COG6: variants seen among roughly 807,000 people sequenced by gnomAD.
COG6 encodes conserved oligomeric Golgi complex subunit 6.
A neutral mutation model predicts 88.8 loss-of-function variants in COG6; 74 were observed. The ratio of observed to expected loss-of-function variants is 0.83; its 90% CI spans 0.69 to 1.01. The LOEUF (loss-of-function observed/expected upper bound fraction) is 1.01. COG6 is among the 50% of genes least tolerant of loss of function. COG6 has a pLI of 0.00. For synonymous variants in COG6, 286 were observed against 278.7 expected (o/e 1.03, Z -0.26); for missense variants, 800 against 797.9 (o/e 1.00, Z -0.03).
chr13:39,722,973 G>A (rs556733589), intron 15 of COG6, among the ~76,000 whole-genome samples: 3 of 152,172 alleles, frequency 2.0e-5, no homozygotes, highest in African/African-American at 7.2e-5. Context: ...AGCGTGAGGA[G>A]GACAGGAGGT....
intron 4 of COG6, among the ~76,000 whole-genome samples, chr13:39,672,509 A>G (rs1031364375): frequency 6.6e-6 from 1 of 152,026 alleles, no homozygotes; most frequent in African/African-American, 2.4e-5. Context: ...AAGATCATAC[A>G]GTATGTGGCC....
intron 4 of COG6, among the ~76,000 whole-genome samples, chr13:39,675,405 TTACCTGGAAAGAA>T (rs1381002946): frequency 5.9e-5 from 9 of 152,164 alleles, no homozygotes; most frequent in Non-Finnish European, 1.0e-4. Flanking sequence ...TTGTGAAAAT[TTACCTGGAAAGAA>T]TACATGTGGT....
At chr13:39,656,822 T>A (rs1874540430) in intron 1 of COG6, 1 of 455,882 alleles carries the variant, frequency 2.2e-6, no homozygotes, top group East Asian at 6.9e-5. Flanking sequence ...CAGCTTCTGT[T>A]TAGGAATTAG....
chr13:39,688,623 T>C (rs9548881), intron 10 of COG6, among the ~76,000 whole-genome samples: 101,282 of 152,070 alleles, frequency 0.67, 33,940 homozygotes, highest in Admixed American at 0.77. Flanking sequence ...ACCTCCGACA[T>C]TGGGGATTAC....
intron 10 of COG6, among the ~76,000 whole-genome samples, chr13:39,688,502 G>C (rs1593426677): frequency 6.6e-6 from 1 of 152,196 alleles, no homozygotes; most frequent in South Asian, 2.1e-4. Flanking sequence ...AGAGATGGGA[G>C]AGATGGGGAG....
At chr13:39,682,388 T>C in intron 8 of COG6, 124 bp downstream of exon 8, 1 of 660,268 alleles carries the variant, frequency 1.5e-6, no homozygotes, top group Non-Finnish European at 2.7e-6. Flanking sequence ...TTTACAACAA[T>C]ACTGTTCACC....
At chr13:39,734,663 C>T (rs1879638900) in intron 18 of COG6, among the ~76,000 whole-genome samples, 1 of 152,084 alleles carries the variant, frequency 6.6e-6, no homozygotes, top group Non-Finnish European at 1.5e-5. Flanking sequence ...TTAATTTTCT[C>T]TCTGGGAAGT....
At chr13:39,791,562 AG>A (rs758667380) in exon 19 of COG6, 3 of 152,054 alleles carry the variant, frequency 2.0e-5, no homozygotes, top group Non-Finnish European at 4.4e-5. Flanking sequence ...ACAATATGGT[AG>A]ATTATATATC....
At chr13:39,688,365 G>A (rs139784432) in intron 10 of COG6, among the ~76,000 whole-genome samples, 263 of 152,280 alleles carry the variant, frequency 1.7e-3, no homozygotes, top group African/African-American at 6.0e-3. Flanking sequence ...TCACGGTTCT[G>A]CAGGCAGTAG....
chr13:39,655,930 G>C, intron 1 of COG6, 51 bp downstream of exon 1: 1 of 1,569,834 alleles, frequency 6.4e-7, no homozygotes, highest in Non-Finnish European at 8.6e-7. Flanking sequence ...GGGCTGAGCC[G>C]GGCCAGGGGC....
chr13:39,758,257 C>T (rs1185543904), intron 18 of COG6, among the ~76,000 whole-genome samples: 5 of 149,310 alleles, frequency 3.3e-5, no homozygotes, highest in Admixed American at 6.7e-5. Flanking sequence ...GAGCTGGACG[C>T]GGTGGCTCAT....
intron 13 of COG6, among the ~76,000 whole-genome samples, chr13:39,709,644 TGG>T (rs1349767055): frequency 6.6e-6 from 1 of 152,122 alleles, no homozygotes; most frequent in African/African-American, 2.4e-5. Flanking sequence ...TAGTATTCCA[TGG>T]TGTGAGTGTA....
At chr13:39,786,493 G>A (rs980281728) in intron 18 of COG6, among the ~76,000 whole-genome samples, 1 of 152,160 alleles carries the variant, frequency 6.6e-6, no homozygotes, top group Non-Finnish European at 1.5e-5. Flanking sequence ...GTTAGGACTG[G>A]ACAGTTTGGA....
At chr13:39,689,733 TATTA>T (rs1566181021) in intron 10 of COG6, 23 bp from the exon 11 acceptor site, 3 of 1,504,810 alleles carry the variant, frequency 2.0e-6, no homozygotes, top group Admixed American at 3.4e-5. Flanking sequence ...TGGAAACAAA[TATTA>T]ATTATGTAGT....
chr13:39,743,298 A>T (rs925764982), intron 18 of COG6, among the ~76,000 whole-genome samples: 1 of 152,228 alleles, frequency 6.6e-6, no homozygotes, highest in African/African-American at 2.4e-5. Flanking sequence ...CCCTTAAAAA[A>T]ATCAATGAAT....
intron 2 of COG6, among the ~76,000 whole-genome samples, chr13:39,659,845 A>G (rs184633314): frequency 1.2e-3 from 181 of 152,332 alleles, no homozygotes; most frequent in Non-Finnish European, 2.1e-3. Flanking sequence ...TTGGATAACA[A>G]CTTCTCTACT....
In COG6 at chr13:39,722,379, T is replaced by C. The variant is rs772692426; in HGVS notation, c.1585-954T>C. 2.8e-4 allele frequency among the ~76,000 whole-genome samples: 42 copies of C among 152,038 alleles called. 1 individual carries two copies. The highest frequency in any genetic ancestry group is 5.6e-4 in the Non-Finnish European group (38 of 67,986). On this transcript the variant is annotated intron_variant, in intron 15 of 18. Transcript: ENST00000455146. ...TGCCTCAGGAAAGAAACCATACTTG[T>C]TCTGATTATTCACAAGGGCTTTCTT...
intron 18 of COG6, among the ~76,000 whole-genome samples, chr13:39,740,434 T>C (rs1447496197): frequency 1.3e-5 from 2 of 152,158 alleles, no homozygotes; most frequent in Admixed American, 6.6e-5. Flanking sequence ...TTCAATTCTT[T>C]CGATGAATTT....
At chr13:39,671,379 C>T (rs1384281112) in intron 4 of COG6, among the ~76,000 whole-genome samples, 1 of 151,614 alleles carries the variant, frequency 6.6e-6, no homozygotes, top group Non-Finnish European at 1.5e-5. Context: ...CATTTTTTCC[C>T]CACCAATACA....
Sources: allele counts gnomAD v4.1 joint callset (sites outside exome capture counted in the v4.1 genomes callset), GRCh38; gene constraint gnomAD v4.1.1; transcripts MANE v1.5; gene names NCBI Gene and HGNC (gene_info 2026-07-23, HGNC 2026-07-21).